CRPPA: variants seen among roughly 807,000 people sequenced by gnomAD.
CRPPA encodes D-ribitol-5-phosphate cytidylyltransferase.
In CRPPA, 43 loss-of-function variants were observed where a neutral mutation model predicts 52.0. That is an observed-to-expected ratio of 0.83 (90% CI 0.65 to 1.07). The LOEUF is 1.07. Among genes scored for constraint, CRPPA ranks in the 50% least tolerant of loss-of-function variants. The pLI is 0.00. For missense variants in CRPPA, 629 were observed against 551.7 expected (o/e 1.14, Z -1.40); for synonymous variants, 250 against 203.5 (o/e 1.23, Z -1.94).
rs1787626667 is a variant in CRPPA, at chr7:16,397,410, T to C, written c.534+8651A>G. On this transcript the variant is annotated intron_variant, in intron 2 of 9. Coordinates refer to ENST00000407010, the MANE Select transcript of CRPPA (RefSeq NM_001101426.4). ...GACAGATGTGACAACTGACACGTAA[T>C]GGACACGTGACTGACACGTGTAACG... 2.0e-5 allele frequency among the ~76,000 whole-genome samples: 3 copies of C among 152,170 alleles called. No individual in the cohort carries two copies. The East Asian group carries it at 5.8e-4, about 29-fold the overall frequency.
chr7:16,365,128 G>A (rs1786558861), intron 3 of CRPPA, among the ~76,000 whole-genome samples: 1 of 152,158 alleles, frequency 6.6e-6, no homozygotes, highest in South Asian at 2.1e-4. Context: ...CAGAGTCTCT[G>A]ATTTCTACCT....
chr7:16,347,855 T>C (rs1463265119), intron 3 of CRPPA, among the ~76,000 whole-genome samples: 2 of 152,108 alleles, frequency 1.3e-5, no homozygotes, highest in Non-Finnish European at 2.9e-5. Flanking sequence ...AGTTTCCTTA[T>C]GGCTAGGCTC....
intron 8 of CRPPA, among the ~76,000 whole-genome samples, chr7:16,246,610 A>G (rs1159298703): frequency 6.6e-6 from 1 of 152,210 alleles, no homozygotes; most frequent in Non-Finnish European, 1.5e-5. Context: ...TTATAAGCTG[A>G]CGAATAAATG....
chr7:16,420,390 T>G (rs183012291), intron 1 of CRPPA, among the ~76,000 whole-genome samples: 54 of 152,256 alleles, frequency 3.5e-4, no homozygotes, highest in African/African-American at 7.7e-4. Context: ...AACATACCCC[T>G]TCATTTCACT....
At chr7:16,223,923 G>A (rs997638024) in intron 8 of CRPPA, among the ~76,000 whole-genome samples, 1 of 151,894 alleles carries the variant, frequency 6.6e-6, no homozygotes, top group Non-Finnish European at 1.5e-5. Context: ...TCACTAAATA[G>A]AATTACAGTA....
At chr7:16,114,295 T>TACACACACACAC in intron 9 of CRPPA, among the ~76,000 whole-genome samples, 1 of 147,144 alleles carries the variant, frequency 6.8e-6, no homozygotes, top group East Asian at 2.0e-4. Context: ...CACGCACACA[T>TACACACACACAC]ACACACACAC....
intron 6 of CRPPA, among the ~76,000 whole-genome samples, chr7:16,261,451 A>T (rs1414255675): frequency 1.3e-5 from 2 of 152,014 alleles, no homozygotes; most frequent in Admixed American, 1.3e-4. Flanking sequence ...TTAGATTCTT[A>T]TTCTATTTTG....
At chr7:16,385,637 C>T (rs776960591) in intron 2 of CRPPA, among the ~76,000 whole-genome samples, 28 of 152,224 alleles carry the variant, frequency 1.8e-4, no homozygotes, top group Non-Finnish European at 3.7e-4. Flanking sequence ...GCCTGAAGGA[C>T]ATTTGAAGAC....
intron 9 of CRPPA, among the ~76,000 whole-genome samples, chr7:16,179,492 G>C (rs1313668088): frequency 6.6e-6 from 1 of 152,046 alleles, no homozygotes; most frequent in African/African-American, 2.4e-5. Flanking sequence ...GGAGGTAGAT[G>C]GGTAAGAGAG....
rs1387068789 is a variant in CRPPA, at chr7:16,292,135, A to T, written c.835+9286T>A. ...ACATGTCTCTCATTTGCATAGTTATATTAATCAATTATGAGTTAACAATAC... is the reference window on the plus strand; with the variant it reads ...ACATGTCTCTCATTTGCATAGTTATTTTAATCAATTATGAGTTAACAATAC... On this transcript the variant is annotated intron_variant, in intron 5 of 9. Coordinates refer to ENST00000407010, the MANE Select transcript of CRPPA (RefSeq NM_001101426.4). Among the ~76,000 whole-genome samples the T allele has an allele frequency of 2.6e-5, 4 of 151,958 alleles. No individual in the cohort carries two copies. In the East Asian group the frequency reaches 7.7e-4, roughly 29 times the overall value.
chr7:16,170,716 C>T (rs1781163662), intron 9 of CRPPA, among the ~76,000 whole-genome samples: 1 of 152,148 alleles, frequency 6.6e-6, no homozygotes, highest in African/African-American at 2.4e-5. Context: ...AGGTCCCGAG[C>T]CCTGCCCTGC....
At chr7:16,148,294 T>A (rs951887608) in intron 9 of CRPPA, among the ~76,000 whole-genome samples, 2 of 152,212 alleles carry the variant, frequency 1.3e-5, no homozygotes, top group Non-Finnish European at 2.9e-5. Flanking sequence ...CTACTATTTA[T>A]CCAAAAGAAA....
intron 6 of CRPPA, chr7:16,270,581 A>G (rs961201381): frequency 6.6e-6 from 1 of 152,146 alleles, no homozygotes; most frequent in Non-Finnish European, 1.5e-5. Context: ...TGGCTAACAT[A>G]CCAAATAAAT....
chr7:16,211,902 C>G (rs1782155660), intron 9 of CRPPA, among the ~76,000 whole-genome samples: 1 of 152,144 alleles, frequency 6.6e-6, no homozygotes, highest in Admixed American at 6.5e-5. Context: ...GTACTTACGT[C>G]ATCGAGTAGA....
intron 3 of CRPPA, among the ~76,000 whole-genome samples, chr7:16,352,272 G>C (rs1468727073): frequency 6.6e-6 from 1 of 151,958 alleles, no homozygotes; most frequent in Admixed American, 6.5e-5. Flanking sequence ...TGGAGGGGTG[G>C]GGAGCAAGGG....
At chr7:16,399,607 T>C (rs1478652036) in intron 2 of CRPPA, among the ~76,000 whole-genome samples, 3 of 151,744 alleles carry the variant, frequency 2.0e-5, no homozygotes, top group East Asian at 2.0e-4. Flanking sequence ...TTGGCATGTG[T>C]CCAACACGTG....
intron 6 of CRPPA, among the ~76,000 whole-genome samples, chr7:16,265,917 G>T (rs1394464579): frequency 1.3e-5 from 2 of 152,162 alleles, no homozygotes; most frequent in Non-Finnish European, 2.9e-5. Context: ...CTAGCACTCA[G>T]ACTCAGGTCT....
chr7:16,174,333 G>A (rs983483915), intron 9 of CRPPA, among the ~76,000 whole-genome samples: 1 of 152,106 alleles, frequency 6.6e-6, no homozygotes, highest in Non-Finnish European at 1.5e-5. Flanking sequence ...TCGGTAAGAG[G>A]TAGATAGTAT....
chr7:16,216,646 G>C (rs1453102421), intron 8 of CRPPA: 1 of 155,826 alleles, frequency 6.4e-6, no homozygotes, highest in Non-Finnish European at 1.4e-5. Flanking sequence ...AAGGGGTCAG[G>C]GAGTTCCTTT....
Sources: allele counts gnomAD v4.1 joint callset (sites outside exome capture counted in the v4.1 genomes callset), GRCh38; gene constraint gnomAD v4.1.1; transcripts MANE v1.5; gene names NCBI Gene and HGNC (gene_info 2026-07-23, HGNC 2026-07-21).